The following GMDS variants were observed in gnomAD, a reference collection of about 807,000 sequenced individuals.
GMDS encodes GDP-mannose 4,6 dehydratase.
A neutral mutation model predicts 49.9 loss-of-function variants in GMDS; 20 were observed. The observed-to-expected ratio is 0.40, with a 90% CI of 0.28 to 0.58. The LOEUF is 0.58. GMDS is among the 20% of genes least tolerant of loss of function. GMDS has a pLI of 0.42. For missense variants in GMDS, 362 were observed against 481.4 expected, an observed-to-expected ratio of 0.75 and a Z score of 2.32; for synonymous variants, 177 against 178.6, an observed-to-expected ratio of 0.99 and a Z score of 0.07.
At chr6:1,671,976 T>C (rs1361205486) in intron 9 of GMDS, among the ~76,000 whole-genome samples, 1 of 152,194 alleles carries the variant, frequency 6.6e-6, no homozygotes, top group African/African-American at 2.4e-5. Context: ...TTTTAATTAC[T>C]TTCTGCCATT....
chr6:1,738,136 TACACACACAGATACACATAC>T (rs1396551301), intron 8 of GMDS, among the ~76,000 whole-genome samples: 1 of 108,316 alleles, frequency 9.2e-6, no homozygotes, highest in Non-Finnish European at 1.9e-5. Context: ...CATACACACA[TACACACACAGATACACATAC>T]ACACACACAG....
intron 1 of GMDS, among the ~76,000 whole-genome samples, chr6:2,192,591 G>T (rs9503118): frequency 6.6e-6 from 1 of 152,134 alleles, no homozygotes; most frequent in African/African-American, 2.4e-5. Context: ...GCATCTCCAA[G>T]CTTCTGGGAG....
At chr6:1,780,893 C>T (rs868035499) in intron 7 of GMDS, among the ~76,000 whole-genome samples, 1 of 152,146 alleles carries the variant, frequency 6.6e-6, no homozygotes, top group African/African-American at 2.4e-5. Flanking sequence ...AGGAACCAAA[C>T]TTATATTTTA....
rs1469892743 is a variant in GMDS, at chr6:1,778,946, C to T, written c.772-36360G>A. Among the ~76,000 whole-genome samples, 1 of 152,138 alleles carries T rather than the reference C, an allele frequency of 6.6e-6. No homozygotes were observed. The highest frequency in any genetic ancestry group is 6.5e-5 in the Admixed American group (1 of 15,276). ...TCAGGTTTCTTATTGCCGTGTCTGG[C>T]CCTTCAAAGGCCTACCCCATCATCT... is the stretch of plus-strand genomic sequence containing the variant. On this transcript the variant is annotated intron_variant, in intron 7 of 10. Transcript: ENST00000380815. This position sits in a 1 kb window ranked among gnomAD's most constrained non-coding sequence, Gnocchi z 4.6.
At chr6:1,628,150 C>T (rs1762899685) in intron 9 of GMDS, among the ~76,000 whole-genome samples, 1 of 152,212 alleles carries the variant, frequency 6.6e-6, no homozygotes, top group Admixed American at 6.5e-5. Flanking sequence ...TTAGGCTTTC[C>T]TGGCTTACGT....
chr6:1,991,735 C>T (rs531340358), intron 4 of GMDS, among the ~76,000 whole-genome samples: 2 of 152,286 alleles, frequency 1.3e-5, no homozygotes, highest in South Asian at 4.1e-4. Flanking sequence ...CCAGAAAAGA[C>T]ATGTGTAAGT....
At chr6:1,939,488 G>A (rs1029784376) in intron 6 of GMDS, among the ~76,000 whole-genome samples, 6 of 150,660 alleles carry the variant, frequency 4.0e-5, no homozygotes, top group Admixed American at 1.3e-4. Flanking sequence ...AAGACCCAAG[G>A]ATATACATAT....
In GMDS at chr6:1,914,435, C is replaced by A. The variant is rs1761266313; in HGVS notation, c.771+15668G>T. On this transcript the variant is annotated intron_variant, in intron 7 of 10. Transcript: ENST00000380815. Reference sequence around the variant, plus strand: ...TGAGCCGAGATCGCACCACTGCACTCCAGCCTGGGCAACAGAGCAAGACTC... The same window carrying A: ...TGAGCCGAGATCGCACCACTGCACTACAGCCTGGGCAACAGAGCAAGACTC... Among the ~76,000 whole-genome samples the A allele has an allele frequency of 5.3e-5, 8 of 149,806 alleles. No individual in the cohort carries two copies. The South Asian group carries it at 1.7e-3, about 32-fold the overall frequency.
At chr6:1,660,642 G>A (rs1353664972) in intron 9 of GMDS, among the ~76,000 whole-genome samples, 2 of 150,896 alleles carry the variant, frequency 1.3e-5, no homozygotes, top group Non-Finnish European at 1.5e-5. Flanking sequence ...TGAAAGCTGC[G>A]AGACGCGGGG....
intron 7 of GMDS, among the ~76,000 whole-genome samples, chr6:1,855,520 C>T (rs1298860548): frequency 6.6e-6 from 1 of 152,140 alleles, no homozygotes; most frequent in African/African-American, 2.4e-5. Flanking sequence ...CTAGAGAGGG[C>T]TGGTACTACT....
intron 1 of GMDS, among the ~76,000 whole-genome samples, chr6:2,237,591 G>A (rs911197092): frequency 1.0e-4 from 15 of 145,350 alleles, no homozygotes; most frequent in East Asian, 2.0e-4. Flanking sequence ...GTATGATCTC[G>A]GCTCACTGCA....
At chr6:2,174,210 C>A (rs1281181514) in intron 1 of GMDS, among the ~76,000 whole-genome samples, 1 of 152,120 alleles carries the variant, frequency 6.6e-6, no homozygotes, top group Non-Finnish European at 1.5e-5. Context: ...AAAATATAAT[C>A]AAATACACAA....
chr6:1,817,108 T>TACACACACAC (rs3839594), intron 7 of GMDS, among the ~76,000 whole-genome samples: 25 of 146,136 alleles, frequency 1.7e-4, no homozygotes, highest in African/African-American at 4.8e-4. Flanking sequence ...ATTGCTCCTT[T>TACACACACAC]ACACACACAC....
intron 7 of GMDS, among the ~76,000 whole-genome samples, chr6:1,752,097 G>C (rs1767758994): frequency 6.6e-6 from 1 of 152,172 alleles, no homozygotes; most frequent in Non-Finnish European, 1.5e-5. Flanking sequence ...TGAGCAACAG[G>C]AGCATGTTCT....
intron 1 of GMDS, among the ~76,000 whole-genome samples, chr6:2,167,352 T>C (rs1436066413): frequency 6.6e-6 from 1 of 152,188 alleles, no homozygotes; most frequent in African/African-American, 2.4e-5. Context: ...TTATCTATAC[T>C]GCCTCATCTA....
intron 4 of GMDS, among the ~76,000 whole-genome samples, chr6:2,101,198 G>C (rs1773904055): frequency 6.6e-6 from 1 of 151,592 alleles, no homozygotes; most frequent in South Asian, 2.1e-4. Flanking sequence ...CCAGATAAGG[G>C]TTTAACCGGG....
At chr6:1,972,860 T>C (rs1764697772) in intron 4 of GMDS, among the ~76,000 whole-genome samples, 1 of 152,206 alleles carries the variant, frequency 6.6e-6, no homozygotes, top group Non-Finnish European at 1.5e-5. Flanking sequence ...TTTTTAAGTA[T>C]ATTAACAGAT....
intron 4 of GMDS, among the ~76,000 whole-genome samples, chr6:2,057,172 C>T (rs975882313): frequency 6.6e-6 from 1 of 152,154 alleles, no homozygotes; most frequent in African/African-American, 2.4e-5. Flanking sequence ...TTCCTAAGGA[C>T]ATCATCCCTC....
intron 9 of GMDS, among the ~76,000 whole-genome samples, chr6:1,666,449 C>T (rs753396098): frequency 1.6e-4 from 25 of 152,182 alleles, no homozygotes; most frequent in Non-Finnish European, 3.4e-4. Flanking sequence ...AGCCTAGTTA[C>T]ACCAGGGAGG....
Sources: gnomAD v4.1 joint callset for allele counts (sites outside exome capture counted in the v4.1 genomes callset) on GRCh38, gnomAD v4.1.1 for gene constraint, Gnocchi (gnomAD v3.1) non-coding constraint, MANE v1.5 for transcripts, NCBI Gene and HGNC (gene_info 2026-07-23, HGNC 2026-07-21) for gene names.